TENM4: variants seen among roughly 807,000 people sequenced by gnomAD.
TENM4 encodes teneurin transmembrane protein 4.
Under a neutral mutation model 243.3 loss-of-function variants are expected in TENM4, and 82 were observed. That is an observed-to-expected ratio of 0.34 (90% CI 0.28 to 0.40). The LOEUF (loss-of-function observed/expected upper bound fraction) is 0.40. Ranked by LOEUF, TENM4 falls within the 10% of genes least tolerant of loss-of-function variation. The pLI is 1.00. For missense variants in TENM4, 3,138 were observed against 3,673.3 expected (o/e 0.85, Z 3.77); for synonymous variants, 1,412 against 1,456.3 (o/e 0.97, Z 0.69).
In TENM4 at chr11:78,658,610, C is replaced by A. The variant is rs1565317563; in HGVS notation, c.7758G>T (p.Val2586=). The A allele has an allele frequency of 6.2e-7, 1 of 1,613,996 alleles. No individual in the cohort carries two copies. The highest frequency in any genetic ancestry group is 8.5e-7 in the Non-Finnish European group (1 of 1,179,890). ...CAACCCTTCGCCCATCCTCATTGGCCACACTGATGATGTCTGTGGTCACTC... is the reference window on the plus strand; with the variant it reads ...CAACCCTTCGCCCATCCTCATTGGCAACACTGATGATGTCTGTGGTCACTC... ...DGRVTTDIIS[V]ANEDGRRVAA... is the part of the protein sequence containing the mutation. Residue 2586 remains valine (V), a synonymous_variant, in exon 34 of 34, where the codon GTG becomes GTT. Transcript: ENST00000278550.
At chr11:78,943,104 G>A (rs1856938142) in intron 6 of TENM4, among the ~76,000 whole-genome samples, 3 of 152,184 alleles carry the variant, frequency 2.0e-5, no homozygotes, top group African/African-American at 7.2e-5. Context: ...CAGAGAAGAG[G>A]ACTTCAACTC....
intron 12 of TENM4, among the ~76,000 whole-genome samples, chr11:78,820,689 C>T (rs1025490722): frequency 6.6e-6 from 1 of 152,144 alleles, no homozygotes. Flanking sequence ...GGTAAACCCA[C>T]AGACACATAG....
intron 12 of TENM4, among the ~76,000 whole-genome samples, chr11:78,846,477 C>T (rs1367839506): frequency 6.6e-6 from 1 of 152,136 alleles, no homozygotes; most frequent in Non-Finnish European, 1.5e-5. Flanking sequence ...AACAAATGAA[C>T]AGATGCAGTG....
chr11:79,251,527 A>T (rs1003906675), intron 2 of TENM4, among the ~76,000 whole-genome samples: 2 of 152,234 alleles, frequency 1.3e-5, no homozygotes, highest in African/African-American at 4.8e-5. Context: ...CTGTAGGGTC[A>T]CTTTTATCAC....
intron 3 of TENM4, among the ~76,000 whole-genome samples, chr11:79,213,671 G>A (rs546824953): frequency 4.6e-5 from 7 of 152,370 alleles, no homozygotes; most frequent in Non-Finnish European, 8.8e-5. Context: ...ACCAGGGAGA[G>A]AAAGCCCCCG....
In TENM4 at chr11:78,769,295, A is replaced by T. The variant is rs1785808; in HGVS notation, c.2539+1697T>A. Among the ~76,000 whole-genome samples, 14 of 152,272 alleles carry T rather than the reference A, an allele frequency of 9.2e-5. No individual in the cohort carries two copies. In the South Asian group the frequency reaches 1.0e-3, roughly 11 times the overall value. On this transcript the variant is annotated intron_variant, in intron 18 of 33. Coordinates refer to ENST00000278550, the MANE Select transcript of TENM4 (RefSeq NM_001098816.3). ...GCCTTGTCTGAAGACATGGGTGCTT[A>T]GTGCCCTTCCCTGCTTTGTCCTGGC...
chr11:78,970,616 A>G (rs1012335557), intron 6 of TENM4, among the ~76,000 whole-genome samples: 2 of 152,228 alleles, frequency 1.3e-5, no homozygotes, highest in African/African-American at 2.4e-5. Context: ...AAAGCAGTCC[A>G]AGATCGTGGG....
chr11:78,657,321 T>A lies in TENM4; in HGVS notation c.*737A>T. On this transcript the variant is annotated 3_prime_UTR_variant, in exon 34 of 34. Transcript: ENST00000278550. ...GAAAGGACCTGGGAGACACTTTCTCTATCCCAGCATGGGGGTGGCACCGAC... is the reference window on the plus strand; with the variant it reads ...GAAAGGACCTGGGAGACACTTTCTCAATCCCAGCATGGGGGTGGCACCGAC... The A allele has an allele frequency of 2.5e-6, 1 of 397,448 alleles. No homozygotes were observed. The highest frequency in any genetic ancestry group is 4.4e-6 in the Non-Finnish European group (1 of 225,972). 24.6% of individuals were successfully genotyped at this position (397,448 alleles called of 1,614,324 possible).
At chr11:79,155,075 G>A (rs1359193512) in intron 3 of TENM4, among the ~76,000 whole-genome samples, 1 of 152,040 alleles carries the variant, frequency 6.6e-6, no homozygotes, top group East Asian at 1.9e-4. Flanking sequence ...GCCCTTTCCT[G>A]TACTGTTTGC....
At chr11:78,699,695 T>G (rs1445714202) in intron 28 of TENM4, among the ~76,000 whole-genome samples, 2 of 152,202 alleles carry the variant, frequency 1.3e-5, no homozygotes, top group African/African-American at 4.8e-5. Context: ...CAACTATAGC[T>G]GTATATTTCA....
chr11:78,708,544 T>A (rs1016155494), intron 26 of TENM4, 29 bp from the exon 27 acceptor site: 16 of 1,609,894 alleles, frequency 9.9e-6, no homozygotes, highest in Non-Finnish European at 1.4e-5. Context: ...AAACAGGAAC[T>A]CAGCATCAGA....
rs192027275 is a variant in TENM4 at position 79,399,172 on chromosome 11, C to T, written c.-321+41337G>A. 3.0e-4 allele frequency among the ~76,000 whole-genome samples: 46 copies of T among 152,262 alleles called. No individual in the cohort carries two copies. The East Asian group carries it at 8.3e-3, about 27-fold the overall frequency. ...AAATGATTCCCAGCATTTTTTGTGC[C>T]ATTTCTCACTCTGATTAGCGAGCAA... On this transcript the variant is annotated intron_variant, in intron 1 of 33. Coordinates refer to ENST00000278550, the MANE Select transcript of TENM4 (RefSeq NM_001098816.3).
intron 1 of TENM4, among the ~76,000 whole-genome samples, chr11:79,309,622 A>G (rs1253163732): frequency 6.6e-6 from 1 of 152,232 alleles, no homozygotes; most frequent in Admixed American, 6.5e-5. Flanking sequence ...AAATACGAAG[A>G]TAAGATAAGC....
intron 5 of TENM4, among the ~76,000 whole-genome samples, chr11:79,065,763 G>A (rs995551791): frequency 6.6e-6 from 1 of 152,200 alleles, no homozygotes; most frequent in African/African-American, 2.4e-5. Context: ...GGCTTGGGCA[G>A]GCCTGGCAAT....
chr11:78,983,608 T>G (rs1857852435), intron 6 of TENM4, among the ~76,000 whole-genome samples: 1 of 152,210 alleles, frequency 6.6e-6, no homozygotes, highest in African/African-American at 2.4e-5. Context: ...GACTAGCGGC[T>G]TCCTGAAGGC....
intron 2 of TENM4, among the ~76,000 whole-genome samples, chr11:79,283,244 ACACAC>A (rs984417291): frequency 4.4e-4 from 67 of 151,742 alleles, no homozygotes; most frequent in African/African-American, 1.4e-3. Context: ...ACACACACAC[ACACAC>A]AAGTACAGAT....
intron 6 of TENM4, among the ~76,000 whole-genome samples, chr11:78,913,583 A>ATGTGTGTGTGTG (rs55835050): frequency 3.0e-4 from 42 of 141,936 alleles, no homozygotes; most frequent in Middle Eastern, 3.4e-3. Context: ...GGTAAGAGGT[A>ATGTGTGTGTGTG]TGTGTGTGTG....
intron 6 of TENM4, among the ~76,000 whole-genome samples, chr11:79,011,343 T>C (rs935462413): frequency 3.3e-5 from 5 of 152,200 alleles, no homozygotes; most frequent in African/African-American, 1.2e-4. Context: ...GACTGTGTCC[T>C]TTCAGGTATC....
At chr11:78,671,295 C>A (rs928309199) in intron 31 of TENM4, among the ~76,000 whole-genome samples, 1 of 151,424 alleles carries the variant, frequency 6.6e-6, no homozygotes, top group Admixed American at 6.6e-5. Flanking sequence ...GTCTCTCTCT[C>A]TCTTAGTACT....
Sources: allele counts gnomAD v4.1 joint callset (sites outside exome capture counted in the v4.1 genomes callset), GRCh38; gene constraint gnomAD v4.1.1; transcripts MANE v1.5; gene names NCBI Gene and HGNC (gene_info 2026-07-23, HGNC 2026-07-21).